The following SCUBE3 variants were observed in gnomAD, a reference collection of about 807,000 sequenced individuals.
SCUBE3 encodes signal peptide, CUB and EGF-like domain-containing protein 3.
A neutral mutation model predicts 116.8 loss-of-function variants in SCUBE3; 33 were observed. The ratio of observed to expected loss-of-function variants is 0.28; its 90% CI spans 0.21 to 0.38. The LOEUF (loss-of-function observed/expected upper bound fraction) is 0.38. SCUBE3 is among the 10% of genes least tolerant of loss of function. SCUBE3 has a pLI of 1.00. For synonymous variants in SCUBE3, 418 were observed against 496.9 expected (o/e 0.84, Z 2.11); for missense variants, 1,007 against 1,324.8 (o/e 0.76, Z 3.72).
intron 1 of SCUBE3, among the ~76,000 whole-genome samples, chr6:35,226,856 T>C (rs1783350523): frequency 6.6e-6 from 1 of 152,136 alleles, no homozygotes; most frequent in Admixed American, 6.5e-5. Flanking sequence ...GCTGTGTGTG[T>C]AGCACCTATT....
At chr6:35,225,417 C>T (rs144348802) in intron 1 of SCUBE3, among the ~76,000 whole-genome samples, 57 of 152,336 alleles carry the variant, frequency 3.7e-4, no homozygotes, top group African/African-American at 1.3e-3. Flanking sequence ...TTACCATCTG[C>T]GAGGTCCCTC....
At chr6:35,216,164 C>A (rs1782884087) in intron 1 of SCUBE3, among the ~76,000 whole-genome samples, 1 of 152,168 alleles carries the variant, frequency 6.6e-6, no homozygotes, top group Admixed American at 6.5e-5. Context: ...AGATGGAGAC[C>A]CCTCCAAGGG....
chr6:35,235,808 A>C lies in SCUBE3; in HGVS notation c.713-2094A>C, dbSNP rs951809916. ...CCCCACTCCCAGCCATCTGCTCCCC[A>C]CCCCCCTCTACCCAGCCAGCCTCAT... On this transcript the variant is annotated intron_variant, in intron 6 of 21. Transcript: ENST00000274938. This position sits in a 1 kb window ranked among gnomAD's most constrained non-coding sequence, Gnocchi z 4.5. 1.2e-3 allele frequency among the ~76,000 whole-genome samples: 118 copies of C among 98,300 alleles called. No homozygotes were observed. The highest frequency in any genetic ancestry group is 1.5e-3 in the African/African-American group (38 of 24,798). The allele number at this position is 98,300 out of a possible 152,430, so 64.5% of individuals were successfully genotyped here.
At chr6:35,234,399 AG>A in intron 6 of SCUBE3, among the ~76,000 whole-genome samples, 1 of 152,184 alleles carries the variant, frequency 6.6e-6, no homozygotes, top group East Asian at 1.9e-4. Flanking sequence ...CTTTCACTGC[AG>A]GAATAGGAAC....
chr6:35,236,752 T>A (rs1215516085), intron 6 of SCUBE3, among the ~76,000 whole-genome samples: 1 of 152,196 alleles, frequency 6.6e-6, no homozygotes, highest in Non-Finnish European at 1.5e-5. Context: ...TCTTATTCAA[T>A]TCCCTTGATT....
Position 35,214,379 on chromosome 6 carries a change from G to C in SCUBE3, c.-40G>C, listed in dbSNP as rs759990122. 3.7e-6 allele frequency: 5 copies of C among 1,354,778 alleles called. No individual in the cohort carries two copies. In the South Asian group the frequency reaches 7.8e-5, roughly 21 times the overall value. 83.9% of individuals were successfully genotyped at this position (1,354,778 alleles called of 1,614,324 possible). A position where few individuals can be genotyped will look rare whatever the true frequency, so the allele number is the denominator to read the frequency against. ...CCGGCTTCCGCCCTCCCCTGGCCGC[G>C]AGACCGGCCCCGGCGGCTGGGCCGC... On this transcript the variant is annotated 5_prime_UTR_variant, in exon 1 of 22. Transcript: ENST00000274938. The surrounding 1 kb of genome is among the most constrained non-coding windows in gnomAD (Gnocchi z 6.3).
rs149934207 is a variant in SCUBE3 at position 35,240,445 on chromosome 6, C to T, written c.1024C>T (p.Leu342Phe). 47 of 1,610,360 alleles carry T rather than the reference C, an allele frequency of 2.9e-5. No homozygotes were observed. In the African/African-American group the frequency reaches 6.0e-4, roughly 21 times the overall value. ...CVNTPGSFQC[L>F]CHRGYLLYGI... is the part of the protein sequence containing the mutation. ...CAACACACCAGGAAGCTTCCAGTGT[C>T]TCTGCCATCGTGGCTACCTGTTGTA... The change falls in exon 9 of 22, where the codon CTC (leucine) becomes TTC (phenylalanine). Residue 342 changes from leucine to phenylalanine, a missense_variant. Transcript: ENST00000274938. This position sits in a 1 kb window ranked among gnomAD's most constrained non-coding sequence, Gnocchi z 4.6.
chr6:35,236,863 C>T (rs1454841779), intron 6 of SCUBE3, among the ~76,000 whole-genome samples: 2 of 152,226 alleles, frequency 1.3e-5, no homozygotes, highest in African/African-American at 2.4e-5. Context: ...GCACCACCTC[C>T]ACAGTCTCTG....
chr6:35,242,889 AC>A, intron 14 of SCUBE3, 109 bp downstream of exon 14: 27 of 1,512,536 alleles, frequency 1.8e-5, no homozygotes, highest in Non-Finnish European at 2.5e-5. Flanking sequence ...CTAGGGGCAG[AC>A]CCTGCCTGGT....
rs766308500 is a variant in SCUBE3 at position 35,214,479 on chromosome 6, G to T, written c.61G>T (p.Ala21Ser). The change falls in exon 1 of 22, where the codon GCC (alanine) becomes TCC (serine). Residue 21 changes from alanine (A) to serine (S), a missense_variant. Transcript: ENST00000274938. The surrounding 1 kb of genome is among the most constrained non-coding windows in gnomAD (Gnocchi z 6.3). ...LLVLLVHARA[A>S]QYSKAAQDVD... ...TGTCCTGCTGGTCCACGCCCGCGCC[G>T]CCCAGTACAGCAAAGCCGCGCAAGG... 1.3e-6 allele frequency: 2 copies of T among 1,503,354 alleles called. No homozygotes were observed. The highest frequency in any genetic ancestry group is 1.4e-5 in the African/African-American group (1 of 69,870). 93.1% of individuals were successfully genotyped at this position (1,503,354 alleles called of 1,614,324 possible). A position where few individuals can be genotyped will look rare whatever the true frequency, so the allele number is the denominator to read the frequency against.
At position 35,244,915 on chromosome 6, in the gene SCUBE3, G is replaced by A; in HGVS notation, c.2401+104G>A. On this transcript the variant is annotated intron_variant, in intron 18 of 21. Coordinates refer to ENST00000274938, the MANE Select transcript of SCUBE3 (RefSeq NM_152753.4). The surrounding 1 kb of genome is among the most constrained non-coding windows in gnomAD (Gnocchi z 4.3). ...CAACAGGGAGCAGGGCTGGGGGGTG[G>A]AGGAGCAGGAAAACTCCACCTTCCA... is the stretch of plus-strand genomic sequence containing the variant. The A allele has an allele frequency of 8.5e-7, 1 of 1,179,658 alleles. No individual in the cohort carries two copies. Among genetic ancestry groups the A allele is most frequent in the Non-Finnish European group, 1.2e-6 (1 of 816,956 alleles). The allele number at this position is 1,179,658 out of a possible 1,614,324, so 73.1% of individuals were successfully genotyped here. A position where few individuals can be genotyped will look rare whatever the true frequency, so the allele number is the denominator to read the frequency against.
Position 35,246,055 on chromosome 6 carries a change from A to G in SCUBE3, c.2711A>G (p.Asn904Ser), listed in dbSNP as rs1784323739. The change falls in exon 20 of 22, where the codon AAC becomes AGC. Residue 904 changes from asparagine (N) to serine (S), a missense_variant. Around this residue, in one of 5 missense-constraint regions of SCUBE3, gnomAD observed 118 missense variants for 196.6 expected, o/e 0.60. Transcript: ENST00000274938. ...ATCAACTTCAAGACAAGCGAGGCCA[A>G]CAGCGCCCGTGGCTTCCAGATTCCC... ...LWINFKTSEA[N>S]SARGFQIPYV... The G allele has an allele frequency of 1.2e-6, 2 of 1,614,056 alleles. No individual in the cohort carries two copies. Among genetic ancestry groups the G allele is most frequent in the African/African-American group, 2.7e-5 (2 of 74,896 alleles).
At chr6:35,217,833 C>T (rs1782986667) in intron 1 of SCUBE3, among the ~76,000 whole-genome samples, 1 of 152,184 alleles carries the variant, frequency 6.6e-6, no homozygotes, top group African/African-American at 2.4e-5. Flanking sequence ...CCTCTAAGCC[C>T]ACCCCCATTT....
chr6:35,241,519 C>T lies in SCUBE3; in HGVS notation c.1196-24C>T, dbSNP rs143340508. On this transcript the variant is annotated intron_variant, in intron 10 of 21. Coordinates refer to ENST00000274938, the MANE Select transcript of SCUBE3 (RefSeq NM_152753.4). This position sits in a 1 kb window ranked among gnomAD's most constrained non-coding sequence, Gnocchi z 4.1. Reference sequence around the variant, plus strand: ...TGAGGGAAAGGAATGCATTCATTTGCTCAGGCCTCTCTCCCCTTCCTAGAG... The same window carrying T: ...TGAGGGAAAGGAATGCATTCATTTGTTCAGGCCTCTCTCCCCTTCCTAGAG... 3,422 of 1,530,142 alleles carry T rather than the reference C, an allele frequency of 2.2e-3. 4 individuals carry two copies. The highest frequency in any genetic ancestry group is 2.9e-3 in the Non-Finnish European group (3,248 of 1,103,558). The allele number at this position is 1,530,142 out of a possible 1,614,324, so 94.8% of individuals were successfully genotyped here. A position where few individuals can be genotyped will look rare whatever the true frequency, so the allele number is the denominator to read the frequency against.
rs1783850802 is a variant in SCUBE3 at position 35,237,989 on chromosome 6, T to C, written c.800T>C (p.Met267Thr). Residue 267 changes from methionine to threonine, a missense_variant, in exon 7 of 22, where the codon ATG becomes ACG. Met to Thr is a moderately conservative substitution (Grantham distance 81, BLOSUM62 -1). This residue lies in a region of SCUBE3 where 214 missense variants were observed against 316.7 expected (regional missense o/e 0.68). Coordinates refer to ENST00000274938, the MANE Select transcript of SCUBE3 (RefSeq NM_152753.4). ...GVHCTCPVGFMLQPDRKTCKD... is the reference protein window; with the variant it reads ...GVHCTCPVGFTLQPDRKTCKD... ...CACTGCACCTGCCCTGTGGGCTTCA[T>C]GCTGCAGCCAGACAGGAAGACGTGC... 1 of 1,608,626 alleles carries C rather than the reference T, an allele frequency of 6.2e-7. No homozygotes were observed. The highest frequency in any genetic ancestry group is 8.5e-7 in the Non-Finnish European group (1 of 1,175,424).
chr6:35,244,100 G>C lies in SCUBE3; in HGVS notation c.2209G>C (p.Ala737Pro), dbSNP rs748893704. The stretch of plus-strand genomic sequence containing the variant: ...GGGCCTCACCACCAAGCATGAAGGG[G>C]CCATTTCCTTCCAAGACTGTGACAC... ...GGGLTTKHEG[A>P]ISFQDCDTKV... The change falls in exon 17 of 22, where the codon GCC (alanine) becomes CCC (proline). Residue 737 changes from alanine (A) to proline (P), a missense_variant. Coordinates refer to ENST00000274938, the MANE Select transcript of SCUBE3 (RefSeq NM_152753.4). The surrounding 1 kb of genome is among the most constrained non-coding windows in gnomAD (Gnocchi z 4.3). 4.3e-6 allele frequency: 7 copies of C among 1,613,794 alleles called. No homozygotes were observed. The Admixed American group carries it at 1.2e-4, about 27-fold the overall frequency.
At chr6:35,221,570 G>A (rs970156422) in intron 1 of SCUBE3, 1 of 152,244 alleles carries the variant, frequency 6.6e-6, no homozygotes, top group Non-Finnish European at 1.5e-5. Flanking sequence ...TGGCTTCAAT[G>A]TAGAATTCAT....
intron 21 of SCUBE3, 110 bp from the exon 22 acceptor site, chr6:35,248,446 T>C: frequency 1.0e-6 from 1 of 993,508 alleles, no homozygotes; most frequent in Non-Finnish European, 1.6e-6. Context: ...CCTCTGGATA[T>C]ATTCAGTATA....
rs765177186 is a variant in SCUBE3 at position 35,244,042 on chromosome 6, A to G, written c.2151A>G (p.Glu717=). Residue 717 remains glutamate (E), a synonymous_variant, in exon 17 of 22, where the codon GAA becomes GAG. Coordinates refer to ENST00000274938, the MANE Select transcript of SCUBE3 (RefSeq NM_152753.4). The surrounding 1 kb of genome is among the most constrained non-coding windows in gnomAD (Gnocchi z 4.3). ...GCCCACGTGGCACCTACCAACCTGA[A>G]GCAGGACGGACCCTATGCTTCCCTT... ...QPCPRGTYQP[E]AGRTLCFPCG... is the part of the protein sequence containing the mutation. The G allele has an allele frequency of 1.9e-6, 3 of 1,614,152 alleles. No homozygotes were observed. In the South Asian group the frequency reaches 3.3e-5, roughly 18 times the overall value.
Sources: gnomAD v4.1 joint callset for allele counts (sites outside exome capture counted in the v4.1 genomes callset) on GRCh38, gnomAD v4.1.1 for gene constraint, gnomAD v4.1.1 regional missense constraint, Gnocchi (gnomAD v3.1) non-coding constraint, MANE v1.5 for transcripts, NCBI Gene and HGNC (gene_info 2026-07-23, HGNC 2026-07-21) for gene names.